HERC2: variants seen among roughly 807,000 people sequenced by gnomAD.
HERC2 encodes HECT and RLD domain containing E3 ubiquitin protein ligase 2.
In HERC2, 102 loss-of-function variants were observed where a neutral mutation model predicts 537.7. The ratio of observed to expected loss-of-function variants is 0.19; its 90% CI spans 0.16 to 0.22. HERC2 has a LOEUF of 0.22. HERC2 is among the 10% of genes least tolerant of loss of function. HERC2 has a pLI of 1.00. For synonymous variants in HERC2, 2,224 were observed against 2,466.2 expected, an observed-to-expected ratio of 0.90 and a Z score of 2.91; for missense variants, 4,236 against 6,198.2, an observed-to-expected ratio of 0.68 and a Z score of 10.63.
At chr15:28,143,302 T>C (rs1021100083) in intron 74 of HERC2, among the ~76,000 whole-genome samples, 1 of 152,092 alleles carries the variant, frequency 6.6e-6, no homozygotes, top group African/African-American at 2.4e-5. Flanking sequence ...GCCAATCAGT[T>C]AGCCTCATTG....
Position 28,135,470 on chromosome 15 carries a change from C to T in HERC2, c.12230+8G>A. The stretch of plus-strand genomic sequence containing the variant: ...ATAGAATGTTGAAATAATTTTTTCA[C>T]ATCATACCTTCTGTTGCCATGCCCC... On this transcript the variant is annotated splice_region_variant and intron_variant, in intron 79 of 92. Coordinates refer to ENST00000261609, the MANE Select transcript of HERC2 (RefSeq NM_004667.6). 1.2e-6 allele frequency: 2 copies of T among 1,605,006 alleles called. No homozygotes were observed. The highest frequency in any genetic ancestry group is 2.2e-5 in the East Asian group (1 of 44,792).
At chr15:28,196,719 T>A in intron 50 of HERC2, 150 bp from the exon 51 acceptor site, 1 of 584,242 alleles carries the variant, frequency 1.7e-6, no homozygotes, top group Non-Finnish European at 3.1e-6. Flanking sequence ...AAAATGCTTA[T>A]GGATGAACTA....
At chr15:28,274,819 G>T in intron 6 of HERC2, 86 bp downstream of exon 6, 1 of 1,009,696 alleles carries the variant, frequency 9.9e-7, no homozygotes, top group Non-Finnish European at 1.5e-6. Flanking sequence ...ATCAGCCAAA[G>T]GGCACATGGT....
intron 65 of HERC2, among the ~76,000 whole-genome samples, chr15:28,170,943 A>G (rs1034475697): frequency 1.3e-5 from 2 of 152,268 alleles, no homozygotes; most frequent in African/African-American, 4.8e-5. Flanking sequence ...ATGAGATACA[A>G]TGACCTATCT....
chr15:28,217,165 C>T (rs553748765), intron 38 of HERC2, among the ~76,000 whole-genome samples: 10 of 152,342 alleles, frequency 6.6e-5, no homozygotes, highest in Admixed American at 1.3e-4. Flanking sequence ...CTGACTTACA[C>T]TGACTTACAC....
intron 70 of HERC2, 56 bp from the exon 71 acceptor site, chr15:28,146,400 A>T (rs1891738113): frequency 1.7e-6 from 2 of 1,197,502 alleles, no homozygotes; most frequent in Admixed American, 3.5e-5. Context: ...CACCCAAAGT[A>T]GAAACAGTGA....
chr15:28,237,257 G>A (rs1902561890), intron 25 of HERC2, 144 bp from the exon 26 acceptor site: 1 of 645,118 alleles, frequency 1.6e-6, no homozygotes, highest in African/African-American at 1.8e-5. Flanking sequence ...CCTGTAATGA[G>A]TTGATGCTGC....
Position 28,307,302 on chromosome 15 carries a change from C to T in HERC2, c.73-7786G>A, listed in dbSNP as rs147639343. On this transcript the variant is annotated intron_variant, in intron 2 of 92. Transcript: ENST00000261609. ...CCTGCCTGAAGGCTTGTCAATTTAT[C>T]TTTTAGAAAAACCAACTTTTCATTT... is the stretch of plus-strand genomic sequence containing the variant. Among the ~76,000 whole-genome samples, 562 of 152,246 alleles carry T rather than the reference C, an allele frequency of 3.7e-3. 1 individual carries two copies. Among genetic ancestry groups the T allele is most frequent in the African/African-American group, 0.013 (538 of 41,562 alleles).
chr15:28,229,413 G>A (rs766641655), intron 33 of HERC2, 47 bp downstream of exon 33: 3 of 1,613,426 alleles, frequency 1.9e-6, no homozygotes, highest in East Asian at 4.5e-5. Context: ...ACAACATTTT[G>A]TTGCCATAGC....
Position 28,196,461 on chromosome 15 carries a change from G to A in HERC2, c.8120C>T (p.Thr2707Met). The A allele has an allele frequency of 2.5e-6, 4 of 1,608,950 alleles. No homozygotes were observed. Among genetic ancestry groups the A allele is most frequent in the Non-Finnish European group, 2.6e-6 (3 of 1,176,010 alleles). ...TCTAGCAACCATAAAAATAACTCAC[G>A]TAACCCCAGGATGAATACTGGGTAC... ...ELVPSIHPGVTCDGCQMFPIN... is the reference protein window; with the variant it reads ...ELVPSIHPGVMCDGCQMFPIN... Residue 2707 changes from threonine (T) to methionine (M), a missense_variant and splice_region_variant, in exon 51 of 93, where the codon ACG becomes ATG. Around this residue, in one of 27 missense-constraint regions of HERC2, gnomAD observed 606 missense variants for 884.5 expected, o/e 0.69. Coordinates refer to ENST00000261609, the MANE Select transcript of HERC2 (RefSeq NM_004667.6).
chr15:28,178,842 G>T (rs375902946), intron 59 of HERC2, 45 bp downstream of exon 59: 1 of 1,579,488 alleles, frequency 6.3e-7, no homozygotes, highest in Non-Finnish European at 8.6e-7. Context: ...AACGGAGCAG[G>T]AGCAAAGGCC....
At chr15:28,295,315 G>GT in intron 3 of HERC2, among the ~76,000 whole-genome samples, 1 of 137,296 alleles carries the variant, frequency 7.3e-6, no homozygotes, top group African/African-American at 2.6e-5. Flanking sequence ...GTGTGGGGGG[G>GT]GGGGAGTGGG....
chr15:28,136,581 G>T (rs1205515971), intron 78 of HERC2, among the ~76,000 whole-genome samples: 3 of 152,234 alleles, frequency 2.0e-5, no homozygotes, highest in African/African-American at 7.2e-5. Context: ...CACTGACAGG[G>T]AGACAGAGGC....
chr15:28,239,841 C>CAGAG (rs776490789), intron 23 of HERC2, among the ~76,000 whole-genome samples: 25 of 152,268 alleles, frequency 1.6e-4, no homozygotes, highest in African/African-American at 4.8e-4. Context: ...ACGGTATGAT[C>CAGAG]ACAGGGAGAG....
chr15:28,187,330 TTTTG>T (rs1896405916), intron 55 of HERC2, among the ~76,000 whole-genome samples: 1 of 151,928 alleles, frequency 6.6e-6, no homozygotes, highest in Non-Finnish European at 1.5e-5. Flanking sequence ...TGGTTTTTTT[TTTTG>T]TTTTTTTGTT....
chr15:28,240,531 A>G (rs1338339354), intron 23 of HERC2, among the ~76,000 whole-genome samples: 1 of 152,276 alleles, frequency 6.6e-6, no homozygotes, highest in Non-Finnish European at 1.5e-5. Context: ...GATTCATTTT[A>G]CTATTTTTCT....
chr15:28,154,771 A>AT (rs781136673), intron 69 of HERC2, among the ~76,000 whole-genome samples: 53 of 152,200 alleles, frequency 3.5e-4, no homozygotes, highest in Middle Eastern at 3.4e-3. Flanking sequence ...TTATATATAT[A>AT]TTTTTTTATT....
intron 17 of HERC2, 59 bp downstream of exon 17, chr15:28,257,002 T>C (rs2075283251): frequency 1.4e-6 from 2 of 1,442,874 alleles, no homozygotes; most frequent in Non-Finnish European, 1.9e-6. Flanking sequence ...TACATAAACC[T>C]TCTTACAAAT....
chr15:28,115,562 T>C (rs759361316), intron 88 of HERC2, 21 bp from the exon 89 acceptor site: 27 of 1,573,770 alleles, frequency 1.7e-5, no homozygotes, highest in Non-Finnish European at 2.1e-5. Flanking sequence ...AGGACACAAG[T>C]GACAGAGGAC....
Sources: allele counts gnomAD v4.1 joint callset (sites outside exome capture counted in the v4.1 genomes callset), GRCh38; gene constraint gnomAD v4.1.1; regional missense constraint gnomAD v4.1.1; transcripts MANE v1.5; gene names NCBI Gene and HGNC (gene_info 2026-07-23, HGNC 2026-07-21).